PSD3: variants seen among roughly 807,000 people sequenced by gnomAD.
The protein encoded by PSD3 is PH and SEC7 domain-containing protein 3.
In PSD3, 49 loss-of-function variants were observed where a neutral mutation model predicts 105.5. The observed-to-expected ratio is 0.46, with a 90% confidence interval of 0.37 to 0.59. The LOEUF (loss-of-function observed/expected upper bound fraction) is 0.59. PSD3 is among the 20% of genes least tolerant of loss of function. The pLI is 0.00. For missense variants in PSD3, 1,561 were observed against 1,263.8 expected (o/e 1.24, Z -3.57); for synonymous variants, 557 against 457.8 (o/e 1.22, Z -2.77).
rs552768832 is a variant in PSD3 at position 18,616,855 on chromosome 8, C to T, written c.2410+15758G>A. ...AGCCGGGATGGTCTCGATCTCGTGA[C>T]CTCGTGATCCGCCCGCCTCGGCCTC... On this transcript the variant is annotated intron_variant, in intron 11 of 15. Transcript: ENST00000327040. 1.6e-3 allele frequency among the ~76,000 whole-genome samples: 248 copies of T among 151,826 alleles called. 2 individuals carry two copies. The highest frequency in any genetic ancestry group is 5.4e-3 in the African/African-American group (223 of 41,404).
intron 12 of PSD3, among the ~76,000 whole-genome samples, chr8:18,586,454 C>T (rs766979374): frequency 9.2e-5 from 14 of 152,062 alleles, no homozygotes; most frequent in Admixed American, 4.6e-4. Context: ...TACGCTATTA[C>T]GTAGTTGAGA....
intron 8 of PSD3, among the ~76,000 whole-genome samples, chr8:18,779,640 C>T (rs748470701): frequency 6.6e-6 from 1 of 151,906 alleles, no homozygotes; most frequent in Non-Finnish European, 1.5e-5. Flanking sequence ...ATGTTGTGTT[C>T]CCATTTTGAT....
chr8:18,765,111 C>G (rs946073870), intron 9 of PSD3, among the ~76,000 whole-genome samples: 5 of 152,166 alleles, frequency 3.3e-5, no homozygotes, highest in African/African-American at 1.2e-4. Context: ...AAATGCTACT[C>G]TGTTTCCGTA....
intron 9 of PSD3, among the ~76,000 whole-genome samples, chr8:18,699,123 A>G (rs1488905130): frequency 6.6e-6 from 1 of 152,162 alleles, no homozygotes; most frequent in East Asian, 1.9e-4. Flanking sequence ...ACTGCTTCTC[A>G]GCATCCCTTG....
intron 8 of PSD3, among the ~76,000 whole-genome samples, chr8:18,771,168 G>A (rs575031367): frequency 1.3e-5 from 2 of 152,246 alleles, no homozygotes; most frequent in South Asian, 4.1e-4. Context: ...AGGAATGGGG[G>A]GCAGAGCAGG....
intron 9 of PSD3, among the ~76,000 whole-genome samples, chr8:18,702,956 G>A (rs889149936): frequency 6.6e-6 from 1 of 152,064 alleles, no homozygotes; most frequent in Non-Finnish European, 1.5e-5. Context: ...GCTTTGTGTA[G>A]TGCCTGCTAT....
chr8:18,975,351 G>A (rs889233677), intron 1 of PSD3, among the ~76,000 whole-genome samples: 18 of 144,832 alleles, frequency 1.2e-4, no homozygotes, highest in Non-Finnish European at 2.5e-4. Context: ...ATGTACCATA[G>A]GCTTCAGCCA....
chr8:19,066,554 C>T (rs1829081382), intron 1 of PSD3, among the ~76,000 whole-genome samples: 1 of 152,322 alleles, frequency 6.6e-6, no homozygotes, highest in Non-Finnish European at 1.5e-5. Context: ...CAGTCTTTAT[C>T]TCCAGACTCA....
At chr8:18,980,938 C>A (rs1825219535) in intron 1 of PSD3, among the ~76,000 whole-genome samples, 1 of 152,118 alleles carries the variant, frequency 6.6e-6, no homozygotes. Flanking sequence ...TAGCTACTCC[C>A]CCAACTGGAA....
intron 12 of PSD3, 109 bp downstream of exon 12, chr8:18,600,255 C>A: frequency 9.6e-7 from 1 of 1,043,528 alleles, no homozygotes; most frequent in Non-Finnish European, 1.4e-6. Context: ...AGCAAACAAA[C>A]TGCAGAAAGT....
At chr8:18,761,674 C>T (rs766176029) in intron 9 of PSD3, among the ~76,000 whole-genome samples, 2 of 152,158 alleles carry the variant, frequency 1.3e-5, no homozygotes, top group Admixed American at 6.5e-5. Context: ...TCTTTATTCA[C>T]GTCGTTAGTA....
chr8:19,078,960 C>T (rs1393925223), intron 1 of PSD3, among the ~76,000 whole-genome samples: 1 of 151,744 alleles, frequency 6.6e-6, no homozygotes, highest in Non-Finnish European at 1.5e-5. Context: ...CCCTGTGTCC[C>T]AGCTCCCAAT....
chr8:18,762,488 T>C (rs1347334909), intron 9 of PSD3, among the ~76,000 whole-genome samples: 2 of 152,146 alleles, frequency 1.3e-5, no homozygotes, highest in Non-Finnish European at 2.9e-5. Flanking sequence ...TAATACACCA[T>C]CTCAAACATC....
At chr8:18,776,274 T>C (rs553828611) in intron 8 of PSD3, among the ~76,000 whole-genome samples, 233 of 142,102 alleles carry the variant, frequency 1.6e-3, no homozygotes, top group African/African-American at 6.0e-3. Context: ...ATATATATAA[T>C]GTATAAATAT....
At chr8:18,994,043 G>A (rs1462970803) in intron 1 of PSD3, among the ~76,000 whole-genome samples, 6 of 151,856 alleles carry the variant, frequency 4.0e-5, no homozygotes, top group African/African-American at 1.5e-4. Context: ...ACTGACTAGA[G>A]TTCCGTATCC....
chr8:18,753,494 C>A (rs932178319), intron 9 of PSD3, among the ~76,000 whole-genome samples: 9 of 152,076 alleles, frequency 5.9e-5, no homozygotes, highest in Admixed American at 6.6e-5. Context: ...TGGCTTCTGG[C>A]GTTTCTGCAA....
intron 14 of PSD3, among the ~76,000 whole-genome samples, chr8:18,568,820 A>T (rs1801959843): frequency 6.6e-6 from 1 of 151,540 alleles, no homozygotes; most frequent in East Asian, 1.9e-4. Flanking sequence ...CTCGTCATCT[A>T]GCATTAGGTA....
chr8:18,639,036 C>G (rs1807462730), intron 10 of PSD3, among the ~76,000 whole-genome samples: 1 of 152,194 alleles, frequency 6.6e-6, no homozygotes, highest in African/African-American at 2.4e-5. Context: ...AACTATGACA[C>G]CATCCCCTCT....
chr8:18,967,661 G>C (rs1480001952), intron 1 of PSD3, among the ~76,000 whole-genome samples: 1 of 152,040 alleles, frequency 6.6e-6, no homozygotes, highest in African/African-American at 2.4e-5. Flanking sequence ...ATTTCAACCA[G>C]AAAATTAGAA....
Sources: allele counts gnomAD v4.1 joint callset (sites outside exome capture counted in the v4.1 genomes callset), GRCh38; gene constraint gnomAD v4.1.1; transcripts MANE v1.5; gene names NCBI Gene and HGNC (gene_info 2026-07-23, HGNC 2026-07-21).